LYN: variants seen among roughly 807,000 people sequenced by gnomAD.
LYN encodes the protein LYN proto-oncogene, Src family tyrosine kinase, also known as tyrosine-protein kinase Lyn.
A neutral mutation model predicts 65.0 loss-of-function variants in LYN; 12 were observed. The observed-to-expected ratio is 0.18, with a 90% confidence interval of 0.12 to 0.30. The LOEUF (loss-of-function observed/expected upper bound fraction) is 0.30, where lower values mean the gene tolerates loss of function less well. Ranked by LOEUF, LYN falls within the 10% of genes least tolerant of loss-of-function variation. The pLI is 1.00. For missense variants in LYN, 380 were observed against 623.2 expected (o/e 0.61, Z 4.16); for synonymous variants, 222 against 221.2 (o/e 1.00, Z -0.03).
rs557548840 is a variant in LYN at position 55,887,492 on chromosome 8, A to G, written c.-6+7389A>G. Among the ~76,000 whole-genome samples, 14 of 150,890 alleles carry G rather than the reference A, an allele frequency of 9.3e-5. No individual in the cohort carries two copies. In the East Asian group the frequency reaches 2.7e-3, roughly 29 times the overall value. ...ATATTTAAAAGAATGAGCATCCCATATATACATAAATATATATATAAATCC... is the reference window on the plus strand; with the variant it reads ...ATATTTAAAAGAATGAGCATCCCATGTATACATAAATATATATATAAATCC... On this transcript the variant is annotated intron_variant, in intron 1 of 12. Transcript: ENST00000519728.
chr8:55,942,383 A>G (rs375108210), intron 2 of LYN, among the ~76,000 whole-genome samples: 111 of 106,760 alleles, frequency 1.0e-3, no homozygotes, highest in Middle Eastern at 6.3e-3. Flanking sequence ...ATATATGTGT[A>G]TATATATATG....
At chr8:56,008,402 T>C (rs1808731407) in intron 12 of LYN, among the ~76,000 whole-genome samples, 1 of 152,212 alleles carries the variant, frequency 6.6e-6, no homozygotes, top group Non-Finnish European at 1.5e-5. Context: ...TTGTGAGGAA[T>C]GGAGCCCCTC....
chr8:55,895,721 A>G (rs1805076701), intron 1 of LYN: 1 of 152,132 alleles, frequency 6.6e-6, no homozygotes, highest in African/African-American at 2.4e-5. Context: ...ATGTTTTTCT[A>G]ATACATAAAA....
intron 10 of LYN, among the ~76,000 whole-genome samples, chr8:55,973,976 G>A (rs1365772921): frequency 6.6e-6 from 1 of 152,198 alleles, no homozygotes; most frequent in East Asian, 1.9e-4. Flanking sequence ...AATTATCATG[G>A]CAACAAGTAA....
chr8:55,999,696 G>A (rs937670705), intron 12 of LYN, 147 bp downstream of exon 12: 3 of 867,026 alleles, frequency 3.5e-6, no homozygotes, highest in East Asian at 2.7e-5. Flanking sequence ...CACGGGCTGG[G>A]CATGGTGGCT....
At chr8:55,967,361 C>T (rs916071630) in intron 9 of LYN, among the ~76,000 whole-genome samples, 2 of 128,032 alleles carry the variant, frequency 1.6e-5, no homozygotes, top group Non-Finnish European at 3.1e-5. Context: ...GTTGCCCGGG[C>T]TGGAGTGCAG....
intron 10 of LYN, among the ~76,000 whole-genome samples, chr8:55,991,183 G>T (rs1372654336): frequency 6.6e-6 from 1 of 152,240 alleles, no homozygotes; most frequent in Non-Finnish European, 1.5e-5. Flanking sequence ...CCTGGAGGAA[G>T]TGGCACCTTT....
At chr8:55,935,186 A>G (rs1300139683) in intron 1 of LYN, among the ~76,000 whole-genome samples, 1 of 152,042 alleles carries the variant, frequency 6.6e-6, no homozygotes, top group Middle Eastern at 3.2e-3. Flanking sequence ...AGGGAGTTAC[A>G]TTCATAATGT....
At chr8:55,896,069 C>T (rs766929047) in intron 1 of LYN, among the ~76,000 whole-genome samples, 2 of 151,888 alleles carry the variant, frequency 1.3e-5, no homozygotes, top group Non-Finnish European at 2.9e-5. Flanking sequence ...ATCATTAGCT[C>T]ATCCTTAAGC....
intron 2 of LYN, among the ~76,000 whole-genome samples, chr8:55,945,010 G>T (rs1447522262): frequency 6.6e-6 from 1 of 152,144 alleles, no homozygotes; most frequent in Non-Finnish European, 1.5e-5. Flanking sequence ...GAGCCAGTTA[G>T]CCTGGCCTTA....
Position 55,892,843 on chromosome 8 carries a change from A to C in LYN, c.-6+12740A>C, listed in dbSNP as rs1399865294. Among the ~76,000 whole-genome samples, 3 of 152,196 alleles carry C rather than the reference A, an allele frequency of 2.0e-5. No homozygotes were observed. The East Asian group carries it at 5.8e-4, about 29-fold the overall frequency. On this transcript the variant is annotated intron_variant, in intron 1 of 12. Coordinates refer to ENST00000519728, the MANE Select transcript of LYN (RefSeq NM_002350.4). ...ATTTAAGTATAACACTTACATAGAAAAGTGCAGAAAACAGAAGAATCTAGC... is the reference window on the plus strand; with the variant it reads ...ATTTAAGTATAACACTTACATAGAACAGTGCAGAAAACAGAAGAATCTAGC...
At chr8:55,901,844 G>A (rs74385326) in intron 1 of LYN, among the ~76,000 whole-genome samples, 5,970 of 152,204 alleles carry the variant, frequency 0.039, 368 homozygotes, top group African/African-American at 0.13. Context: ...CCAAAGATAA[G>A]CAGGGAAGAA....
chr8:55,885,833 C>G (rs1804775509), intron 1 of LYN, among the ~76,000 whole-genome samples: 1 of 152,174 alleles, frequency 6.6e-6, no homozygotes, highest in Non-Finnish European at 1.5e-5. Flanking sequence ...ACTTCCTCCA[C>G]CCCAGGCCCC....
chr8:55,986,200 A>C (rs913656301), intron 10 of LYN, among the ~76,000 whole-genome samples: 1 of 149,900 alleles, frequency 6.7e-6, no homozygotes, highest in Non-Finnish European at 1.5e-5. Context: ...CCCGCAAAAA[A>C]AAACGCTACC....
intron 10 of LYN, among the ~76,000 whole-genome samples, chr8:55,979,815 C>A (rs1807867043): frequency 6.6e-6 from 1 of 152,178 alleles, no homozygotes; most frequent in Non-Finnish European, 1.5e-5. Flanking sequence ...AGCCTGACAC[C>A]CTGCCCAAGG....
intron 1 of LYN, among the ~76,000 whole-genome samples, chr8:55,906,048 T>C (rs1346886781): frequency 6.6e-6 from 1 of 152,224 alleles, no homozygotes; most frequent in Non-Finnish European, 1.5e-5. Context: ...TTCCATACAG[T>C]AGTTCATCTG....
chr8:55,973,464 T>C (rs1807664989), intron 10 of LYN, among the ~76,000 whole-genome samples: 1 of 152,228 alleles, frequency 6.6e-6, no homozygotes, highest in African/African-American at 2.4e-5. Context: ...AAAGGAAGTT[T>C]GATACTTTCA....
chr8:55,925,415 G>A lies in LYN; in HGVS notation c.-5-16440G>A, dbSNP rs1444879887. ...TGGGATTACAGGTCCGAGCCACTGC[G>A]CTCCACCAGAATGTTTTCCAATTCT... On this transcript the variant is annotated intron_variant, in intron 1 of 12. Transcript: ENST00000519728. Among the ~76,000 whole-genome samples, 3 of 152,166 alleles carry A rather than the reference G, an allele frequency of 2.0e-5. 1 individual carries two copies. Among genetic ancestry groups the A allele is most frequent in the South Asian group, 4.1e-4 (2 of 4,832 alleles).
intron 1 of LYN, chr8:55,893,461 C>T (rs1191402673): frequency 1.3e-5 from 2 of 152,178 alleles, no homozygotes; most frequent in African/African-American, 4.8e-5. Flanking sequence ...AAAATAAAGA[C>T]TCATTTTTCT....
Sources: gnomAD v4.1 joint callset for allele counts (sites outside exome capture counted in the v4.1 genomes callset) on GRCh38, gnomAD v4.1.1 for gene constraint, MANE v1.5 for transcripts, NCBI Gene and HGNC (gene_info 2026-07-23, HGNC 2026-07-21) for gene names.